The following RGS7 variants were observed in gnomAD, a reference collection of about 807,000 sequenced individuals.
The protein encoded by RGS7 is regulator of G protein signaling 7, also known as regulator of G-protein signaling 7.
RGS7 carries 27 observed loss-of-function variants against 81.1 expected under a neutral mutation model. That is an observed-to-expected ratio of 0.33 (90% CI 0.25 to 0.46). The LOEUF (loss-of-function observed/expected upper bound fraction) is 0.46. Among genes scored for constraint, RGS7 ranks in the 20% least tolerant of loss-of-function variants. The pLI, the probability that RGS7 is intolerant of heterozygous loss-of-function variation, is 1.00. For synonymous variants in RGS7, 208 were observed against 207.7 expected (o/e 1.00, Z -0.01); for missense variants, 396 against 607.4 (o/e 0.65, Z 3.66).
At chr1:241,234,103 G>A (rs1408820143) in intron 2 of RGS7, among the ~76,000 whole-genome samples, 2 of 152,228 alleles carry the variant, frequency 1.3e-5, no homozygotes, top group Non-Finnish European at 1.5e-5. Context: ...AGCCTTTCCC[G>A]TTTTCTCTCT....
At chr1:241,275,054 C>T (rs1008559268) in intron 2 of RGS7, among the ~76,000 whole-genome samples, 1 of 152,196 alleles carries the variant, frequency 6.6e-6, no homozygotes, top group Non-Finnish European at 1.5e-5. Context: ...AGTCAGTGTA[C>T]TATAAGTGCA....
chr1:240,796,641 G>T (rs1053040539), intron 18 of RGS7, among the ~76,000 whole-genome samples: 1 of 152,150 alleles, frequency 6.6e-6, no homozygotes, highest in African/African-American at 2.4e-5. Flanking sequence ...AGCCGAGATC[G>T]TGCCACTGCA....
chr1:240,908,275 CA>C (rs1204455675), intron 6 of RGS7, among the ~76,000 whole-genome samples: 4 of 151,760 alleles, frequency 2.6e-5, no homozygotes, highest in African/African-American at 9.7e-5. Flanking sequence ...TGCAGTGAAC[CA>C]ACATGGCACA....
chr1:241,046,196 C>CA (rs2060915348), intron 3 of RGS7, among the ~76,000 whole-genome samples: 1 of 152,032 alleles, frequency 6.6e-6, no homozygotes, highest in Non-Finnish European at 1.5e-5. Flanking sequence ...AGTACATGTG[C>CA]AGGTTTGTTA....
chr1:240,973,595 A>C (rs1446444897), intron 4 of RGS7, among the ~76,000 whole-genome samples: 1 of 151,998 alleles, frequency 6.6e-6, no homozygotes, highest in Non-Finnish European at 1.5e-5. Flanking sequence ...TAACAGAGAC[A>C]TTCTTTTTTT....
chr1:240,817,847 T>C (rs994402225), intron 10 of RGS7, among the ~76,000 whole-genome samples: 2 of 152,128 alleles, frequency 1.3e-5, no homozygotes, highest in East Asian at 3.9e-4. Flanking sequence ...AGGCGACCCA[T>C]CCGCCTTGGC....
At chr1:241,352,656 T>G (rs1304910834) in intron 2 of RGS7, among the ~76,000 whole-genome samples, 2 of 152,210 alleles carry the variant, frequency 1.3e-5, no homozygotes, top group Non-Finnish European at 2.9e-5. Flanking sequence ...TACCCTTCAA[T>G]AGGGTGATAT....
chr1:241,305,529 T>A (rs2080039333), intron 2 of RGS7: 2 of 109,410 alleles, frequency 1.8e-5, no homozygotes, highest in African/African-American at 7.8e-5. Flanking sequence ...TCTTCCCATC[T>A]TTTTTTTTTT....
At chr1:240,854,977 C>T (rs529615013) in intron 9 of RGS7, among the ~76,000 whole-genome samples, 1 of 152,232 alleles carries the variant, frequency 6.6e-6, no homozygotes, top group African/African-American at 2.4e-5. Flanking sequence ...TCGGACGTTA[C>T]AGGCCAAACA....
chr1:240,863,268 G>C (rs1316084437), intron 9 of RGS7, among the ~76,000 whole-genome samples: 3 of 152,172 alleles, frequency 2.0e-5, no homozygotes, highest in Non-Finnish European at 4.4e-5. Context: ...GAGGCCTGGA[G>C]TTTGAGACCA....
At chr1:240,810,850 C>G (rs1689726518) in intron 14 of RGS7, among the ~76,000 whole-genome samples, 1 of 152,172 alleles carries the variant, frequency 6.6e-6, no homozygotes, top group Non-Finnish European at 1.5e-5. Context: ...GCAGCAAGAT[C>G]TTGCAAAAGC....
At chr1:241,088,019 CACACACACATATATATATACACACAT>C (rs372307810) in intron 3 of RGS7, among the ~76,000 whole-genome samples, 20,922 of 112,702 alleles carry the variant, frequency 0.19, 1,752 homozygotes, top group African/African-American at 0.24. Flanking sequence ...TATATATATA[CACACACACATATATATATACACACAT>C]ATATATATAT....
At chr1:241,115,696 A>AAAGGCCAT (rs762775705) in intron 2 of RGS7, among the ~76,000 whole-genome samples, 6 of 152,164 alleles carry the variant, frequency 3.9e-5, no homozygotes, top group Non-Finnish European at 8.8e-5. Context: ...CCACTTCTTG[A>AAAGGCCAT]AAGGCCATCC....
Position 241,122,699 on chromosome 1 carries a change from G to A in RGS7, c.79-23937C>T, listed in dbSNP as rs567331923. 2.2e-4 allele frequency among the ~76,000 whole-genome samples: 33 copies of A among 149,216 alleles called. No individual in the cohort carries two copies. In the South Asian group the frequency reaches 2.8e-3, roughly 12 times the overall value. ...AAAAAAAAAAAACACCTAACCTACCGAACATCATAGCTTAGTCTAGTCTTA... is the reference window on the plus strand; with the variant it reads ...AAAAAAAAAAAACACCTAACCTACCAAACATCATAGCTTAGTCTAGTCTTA... On this transcript the variant is annotated intron_variant, in intron 2 of 18. Transcript: ENST00000440928.
At chr1:241,278,479 G>C (rs11587158) in intron 2 of RGS7, among the ~76,000 whole-genome samples, 5 of 152,090 alleles carry the variant, frequency 3.3e-5, no homozygotes, top group African/African-American at 1.2e-4. Flanking sequence ...CACGAAGTGA[G>C]TTGTTTCAGG....
chr1:241,081,413 C>T (rs1173185368), intron 3 of RGS7, among the ~76,000 whole-genome samples: 2 of 152,260 alleles, frequency 1.3e-5, no homozygotes, highest in Non-Finnish European at 2.9e-5. Flanking sequence ...TTTATGCCTG[C>T]ACTATGTTTG....
intron 2 of RGS7, among the ~76,000 whole-genome samples, chr1:241,124,134 C>T (rs2103008899): frequency 6.6e-6 from 1 of 152,124 alleles, no homozygotes; most frequent in South Asian, 2.1e-4. Flanking sequence ...TAGCTCAAGC[C>T]TCTAATTCCA....
chr1:241,229,955 T>A (rs2075556713), intron 2 of RGS7, among the ~76,000 whole-genome samples: 1 of 152,192 alleles, frequency 6.6e-6, no homozygotes, highest in South Asian at 2.1e-4. Flanking sequence ...AGGAAACAGA[T>A]AACCTCGGAA....
intron 18 of RGS7, among the ~76,000 whole-genome samples, chr1:240,793,814 G>A (rs894427182): frequency 9.3e-5 from 14 of 151,276 alleles, no homozygotes; most frequent in South Asian, 2.1e-4. Context: ...GGGTTTCACC[G>A]TGTTAGCCAG....
Sources: gnomAD v4.1 joint callset for allele counts (sites outside exome capture counted in the v4.1 genomes callset) on GRCh38, gnomAD v4.1.1 for gene constraint, MANE v1.5 for transcripts, NCBI Gene and HGNC (gene_info 2026-07-23, HGNC 2026-07-21) for gene names.